Variants in GOT2 observed in about 807,000 individuals in gnomAD.
GOT2 encodes glutamic-oxaloacetic transaminase 2.
A neutral mutation model predicts 50.0 loss-of-function variants in GOT2; 17 were observed. The observed-to-expected ratio is 0.34, with a 90% CI of 0.23 to 0.51. The LOEUF (loss-of-function observed/expected upper bound fraction) is 0.51, where lower values mean the gene tolerates loss of function less well. Among genes scored for constraint, GOT2 ranks in the 20% least tolerant of loss-of-function variants. The probability of loss-of-function intolerance (pLI) is 0.97; values close to 1 mark genes in which losing one functional copy is unlikely to be tolerated. For missense variants in GOT2, 430 were observed against 559.6 expected (o/e 0.77, Z 2.34); for synonymous variants, 172 against 204.9 (o/e 0.84, Z 1.37).
chr16:58,718,168 C>G, intron 6 of GOT2, 28 bp downstream of exon 6: 1 of 1,479,680 alleles, frequency 6.8e-7, no homozygotes. Context: ...AAACACAGAA[C>G]TGTCGCCAGT....
At chr16:58,710,189 C>T (rs937734861) in intron 8 of GOT2, among the ~76,000 whole-genome samples, 3 of 152,042 alleles carry the variant, frequency 2.0e-5, no homozygotes, top group African/African-American at 4.8e-5. Context: ...TGAGCCACCA[C>T]GCCTGGCCCA....
intron 2 of GOT2, among the ~76,000 whole-genome samples, chr16:58,722,821 G>T (rs1209722794): frequency 6.6e-6 from 1 of 151,996 alleles, no homozygotes; most frequent in African/African-American, 2.4e-5. Flanking sequence ...GTCTCTCTTG[G>T]TTACAATTTA....
chr16:58,726,128 A>C (rs1369344116), intron 1 of GOT2, among the ~76,000 whole-genome samples: 1 of 152,260 alleles, frequency 6.6e-6, no homozygotes, highest in Non-Finnish European at 1.5e-5. Flanking sequence ...CCATCCTAAA[A>C]GACCAGTTTG....
At chr16:58,724,878 T>C (rs1186461131) in intron 1 of GOT2, among the ~76,000 whole-genome samples, 1 of 152,126 alleles carries the variant, frequency 6.6e-6, no homozygotes, top group Non-Finnish European at 1.5e-5. Context: ...TAGATTTCCT[T>C]AGCTTTTACC....
chr16:58,720,881 C>T (rs926986205), intron 3 of GOT2, among the ~76,000 whole-genome samples: 1 of 152,082 alleles, frequency 6.6e-6, no homozygotes, highest in Non-Finnish European at 1.5e-5. Flanking sequence ...CCACTGCGCC[C>T]GGCTGAGGCA....
At chr16:58,716,561 C>G (rs1382733838) in intron 7 of GOT2, 102 bp downstream of exon 7, 7 of 42,492 alleles carry the variant, frequency 1.6e-4, no homozygotes, top group African/African-American at 1.2e-3. Flanking sequence ...CATGGATGGA[C>G]ACACACACAC....
intron 3 of GOT2, 73 bp from the exon 4 acceptor site, chr16:58,719,328 T>A (rs1246148091): frequency 2.1e-6 from 2 of 973,046 alleles, no homozygotes; most frequent in Non-Finnish European, 3.3e-6. Context: ...GCCACTGCTT[T>A]GTCCAGGACC....
Position 58,716,587 on chromosome 16 carries a change from CA to C in GOT2, c.853+75del, listed in dbSNP as rs879739136. The C allele has an allele frequency of 7.0e-4, 867 of 1,247,212 alleles. 3 individuals carry two copies. The highest frequency in any genetic ancestry group is 4.5e-3 in the East Asian group (192 of 42,414). 77.3% of individuals were successfully genotyped at this position (1,247,212 alleles called of 1,614,324 possible). On this transcript the variant is annotated intron_variant, in intron 7 of 9. Coordinates refer to ENST00000245206, the MANE Select transcript of GOT2 (RefSeq NM_002080.4). ...ACACACACACACACACACACACACA[CA>C]CCCACAAGCTCTATGCCCTCGTGGC...
At chr16:58,721,299 G>GT (rs566342398) in intron 3 of GOT2, among the ~76,000 whole-genome samples, 9 of 152,270 alleles carry the variant, frequency 5.9e-5, no homozygotes, top group East Asian at 1.9e-4. Flanking sequence ...TAAAAAACAT[G>GT]TTTTTTTCAA....
chr16:58,721,521 T>C (rs1204272080), intron 3 of GOT2: 2 of 152,146 alleles, frequency 1.3e-5, no homozygotes, highest in East Asian at 1.9e-4. Flanking sequence ...AAACTCGGCA[T>C]AGTTAACATT....
intron 1 of GOT2, among the ~76,000 whole-genome samples, chr16:58,727,546 A>C (rs171786): frequency 0.69 from 105,348 of 151,956 alleles, 37,070 homozygotes; most frequent in Middle Eastern, 0.86. Flanking sequence ...CCTGACTAGT[A>C]CACTGTGGTG....
chr16:58,709,505 T>C lies in GOT2; in HGVS notation c.1082A>G (p.Asn361Ser), dbSNP rs754684656. 22 of 1,613,760 alleles carry C rather than the reference T, an allele frequency of 1.4e-5. No individual in the cohort carries two copies. The highest frequency in any genetic ancestry group is 2.2e-5 in the East Asian group (1 of 44,882). ...GTGGGTGGAACCCTCCTTCTTGAGG[T>C]TGGAGACCAGTTGAGTCCGCATGCC... ...IIGMRTQLVS[N>S]LKKEGSTHNW... The change falls in exon 9 of 10, where the codon AAC (asparagine) becomes AGC (serine). Residue 361 changes from asparagine (N) to serine (S), a missense_variant. Coordinates refer to ENST00000245206, the MANE Select transcript of GOT2 (RefSeq NM_002080.4).
chr16:58,712,522 G>GAACAAC lies in GOT2; in HGVS notation c.1020-2961_1020-2956dup, dbSNP rs10676089. On this transcript the variant is annotated intron_variant, in intron 8 of 9. Transcript: ENST00000245206. ...CAAGATTCTCTCAAAACAACAACAA[G>GAACAAC]AACAACAACAACAACAACAACAACA... Among the ~76,000 whole-genome samples the GAACAAC allele has an allele frequency of 4.3e-3, 655 of 150,762 alleles. 6 individuals carry two copies. The highest frequency in any genetic ancestry group is 0.012 in the African/African-American group (492 of 41,110).
Position 58,726,477 on chromosome 16 carries a change from G to A in GOT2, c.90-2575C>T, listed in dbSNP as rs189846992. On this transcript the variant is annotated intron_variant, in intron 1 of 9. Transcript: ENST00000245206. The stretch of plus-strand genomic sequence containing the variant: ...GAGATTACAGGCGTGAGCCGCCCCC[G>A]GCCTGCTTTATTTATTTATTTATTT... Among the ~76,000 whole-genome samples the A allele has an allele frequency of 2.2e-3, 159 of 71,488 alleles. 1 individual carries two copies. Among genetic ancestry groups the A allele is most frequent in the South Asian group, 4.8e-3 (12 of 2,496 alleles). 46.9% of individuals were successfully genotyped at this position (71,488 alleles called of 152,430 possible). A position where few individuals can be genotyped will look rare whatever the true frequency, so the allele number is the denominator to read the frequency against.
Position 58,709,468 on chromosome 16 carries a change from G to GTGTT in GOT2, c.1115_1118dup (p.His373GlnfsTer18). 6.2e-7 allele frequency: 1 copy of GTGTT among 1,614,050 alleles called. No individual in the cohort carries two copies. Among genetic ancestry groups the GTGTT allele is most frequent in the Non-Finnish European group, 8.5e-7 (1 of 1,179,878 alleles). On this transcript the variant is annotated frameshift_variant, in exon 9 of 10. Coordinates refer to ENST00000245206, the MANE Select transcript of GOT2 (RefSeq NM_002080.4). LOFTEE classifies it high-confidence loss of function. The stretch of plus-strand genomic sequence containing the variant: ...AGAACATGCCAATTTGGTCGGTGAT[G>GTGTT]TGTTGCCAATTGTGGGTGGAACCCT...
chr16:58,708,049 C>T lies in GOT2; in HGVS notation c.*122G>A. On this transcript the variant is annotated 3_prime_UTR_variant, in exon 10 of 10. Coordinates refer to ENST00000245206, the MANE Select transcript of GOT2 (RefSeq NM_002080.4). ...AAACATTCAAATGCTGAGTGTTACACACTGTGGCTGAAAGAAATGATCCAC... is the reference window on the plus strand; with the variant it reads ...AAACATTCAAATGCTGAGTGTTACATACTGTGGCTGAAAGAAATGATCCAC... 3.2e-6 allele frequency: 3 copies of T among 930,862 alleles called. No homozygotes were observed. In the Admixed American group the frequency reaches 7.0e-5, roughly 22 times the overall value. The allele number at this position is 930,862 out of a possible 1,614,324, so 57.7% of individuals were successfully genotyped here.
At chr16:58,727,396 TG>T (rs2044796604) in intron 1 of GOT2, among the ~76,000 whole-genome samples, 1 of 151,746 alleles carries the variant, frequency 6.6e-6, no homozygotes, top group African/African-American at 2.4e-5. Flanking sequence ...AAGAAAAAAC[TG>T]TGCAATCAGT....
At chr16:58,732,671 T>A (rs922372411) in intron 1 of GOT2, among the ~76,000 whole-genome samples, 3 of 152,096 alleles carry the variant, frequency 2.0e-5, no homozygotes, top group Admixed American at 1.3e-4. Context: ...AAAAGAAAAA[T>A]GAGTCAGACT....
Position 58,734,242 on chromosome 16 carries a change from A to C in GOT2, c.-14T>G, listed in dbSNP as rs2044860466. The C allele has an allele frequency of 1.5e-6, 2 of 1,300,504 alleles. No individual in the cohort carries two copies. The highest frequency in any genetic ancestry group is 3.2e-5 in the Admixed American group (1 of 31,310). The allele number at this position is 1,300,504 out of a possible 1,614,324, so 80.6% of individuals were successfully genotyped here. Reference sequence around the variant, plus strand: ...CAGCAGGGCCATGGTGGACCGTAGGAGGGCAGTGGGCAGCCGCAGGACGGA... The same window carrying C: ...CAGCAGGGCCATGGTGGACCGTAGGCGGGCAGTGGGCAGCCGCAGGACGGA... On this transcript the variant is annotated 5_prime_UTR_variant, in exon 1 of 10. Transcript: ENST00000245206.
Sources: gnomAD v4.1 joint callset for allele counts (sites outside exome capture counted in the v4.1 genomes callset) on GRCh38, gnomAD v4.1.1 for gene constraint, MANE v1.5 for transcripts, NCBI Gene and HGNC (gene_info 2026-07-23, HGNC 2026-07-21) for gene names.